The following SLC26A8 variants were observed in gnomAD, a reference collection of about 807,000 sequenced individuals.
SLC26A8 encodes the protein testis anion transporter 1.
In SLC26A8, 70 loss-of-function variants were observed where a neutral mutation model predicts 105.0. The observed-to-expected ratio is 0.67, with a 90% CI of 0.55 to 0.81. The LOEUF (loss-of-function observed/expected upper bound fraction) is 0.81. Among genes scored for constraint, SLC26A8 ranks in the 40% least tolerant of loss-of-function variants. The probability of loss-of-function intolerance (pLI) is 0.00; values close to 1 mark genes in which losing one functional copy is unlikely to be tolerated. For missense variants in SLC26A8, 998 were observed against 1,181.8 expected (o/e 0.84, Z 2.28); for synonymous variants, 415 against 438.3 (o/e 0.95, Z 0.66).
chr6:36,013,215 T>TG lies in SLC26A8; in HGVS notation c.189-844_189-843insC, dbSNP rs768240711. Among the ~76,000 whole-genome samples the TG allele has an allele frequency of 9.2e-4, 137 of 148,120 alleles. 1 individual carries two copies. Among genetic ancestry groups the TG allele is most frequent in the African/African-American group, 2.4e-3 (96 of 39,452 alleles). ...GTCCAGAGACTTTTTTTTTTTTTTT[T>TG]AGATGGAGTCTTGCTCTTTCGCCCA... On this transcript the variant is annotated intron_variant, in intron 2 of 19. Coordinates refer to ENST00000490799, the MANE Select transcript of SLC26A8 (RefSeq NM_052961.4).
At chr6:35,963,763 C>T (rs753104413) in intron 11 of SLC26A8, among the ~76,000 whole-genome samples, 1 of 152,178 alleles carries the variant, frequency 6.6e-6, no homozygotes, top group Non-Finnish European at 1.5e-5. Context: ...ATCTAGAAAC[C>T]ATTCTCAGAT....
rs1424948627 is a variant in SLC26A8, at chr6:35,981,773, C to T, written c.1025+348G>A. On this transcript the variant is annotated intron_variant, in intron 8 of 19. Coordinates refer to ENST00000490799, the MANE Select transcript of SLC26A8 (RefSeq NM_052961.4). The surrounding 1 kb of genome is among the most constrained non-coding windows in gnomAD (Gnocchi z 4.0). ...GCCACAGGAGAGAGGCTAGAAAAAC[C>T]GAGGCATCTCTTGTCCACCCCTTGA... Among the ~76,000 whole-genome samples, 7 of 152,114 alleles carry T rather than the reference C, an allele frequency of 4.6e-5. No individual in the cohort carries two copies. The highest frequency in any genetic ancestry group is 2.1e-4 in the South Asian group (1 of 4,822).
At chr6:35,960,703 G>T in intron 14 of SLC26A8, 140 bp downstream of exon 14, 1 of 789,924 alleles carries the variant, frequency 1.3e-6, no homozygotes, top group Non-Finnish European at 2.1e-6. Flanking sequence ...CTCTACCAGT[G>T]TACATCACAT....
intron 12 of SLC26A8, 99 bp downstream of exon 12, chr6:35,962,427 G>T (rs1772343584): frequency 6.2e-6 from 6 of 969,432 alleles, no homozygotes; most frequent in Non-Finnish European, 9.6e-6. Context: ...AGTTGTTTGT[G>T]TTCTTTAGGT....
intron 7 of SLC26A8, among the ~76,000 whole-genome samples, chr6:35,985,780 T>C (rs1773493758): frequency 6.8e-6 from 1 of 147,478 alleles, no homozygotes; most frequent in Non-Finnish European, 1.5e-5. Context: ...TGCAGCCTCC[T>C]AAGGTGCCAG....
chr6:36,015,029 T>G (rs1344850192), intron 2 of SLC26A8, among the ~76,000 whole-genome samples: 1 of 151,794 alleles, frequency 6.6e-6, no homozygotes, highest in Non-Finnish European at 1.5e-5. Context: ...CAGAGTTGAA[T>G]AGCTTACCTA....
At chr6:35,986,024 CTTTTTTTTTTTTTTTTT>C (rs34715373) in intron 7 of SLC26A8, among the ~76,000 whole-genome samples, 4 of 71,320 alleles carry the variant, frequency 5.6e-5, no homozygotes, top group Non-Finnish European at 1.1e-4. Context: ...ACATATACAT[CTTTTTTTTTTTTTTTTT>C]TTTTTTTTTT....
At chr6:36,008,541 C>T (rs561030319) in intron 3 of SLC26A8, among the ~76,000 whole-genome samples, 4 of 152,214 alleles carry the variant, frequency 2.6e-5, no homozygotes, top group Admixed American at 1.3e-4. Context: ...AAAAACGAGC[C>T]TATCAAAATC....
intron 3 of SLC26A8, among the ~76,000 whole-genome samples, chr6:36,002,598 A>G (rs1761554489): frequency 6.6e-6 from 1 of 152,116 alleles, no homozygotes; most frequent in African/African-American, 2.4e-5. Context: ...AATAATGTTG[A>G]GCACCCTTGT....
At position 35,959,457 on chromosome 6, in the gene SLC26A8, A is replaced by G; in HGVS notation, c.1863+3T>C. ...AACATAGGAAAGAAAAGGCATTTCT[A>G]ACCCTGGGCAGCGGCTCCAGATCAT... On this transcript the variant is annotated splice_donor_region_variant and intron_variant, in intron 16 of 19. Transcript: ENST00000490799. The G allele has an allele frequency of 6.2e-7, 1 of 1,603,206 alleles. No individual in the cohort carries two copies. Among genetic ancestry groups the G allele is most frequent in the South Asian group, 1.1e-5 (1 of 88,946 alleles).
At chr6:35,952,214 A>C (rs982715217) in intron 17 of SLC26A8, among the ~76,000 whole-genome samples, 1 of 152,180 alleles carries the variant, frequency 6.6e-6, no homozygotes, top group Admixed American at 6.5e-5. Flanking sequence ...TAGTGTTTGC[A>C]TGAGACCCCC....
chr6:35,993,046 C>T (rs530948420), intron 5 of SLC26A8, among the ~76,000 whole-genome samples: 16 of 152,024 alleles, frequency 1.1e-4, no homozygotes, highest in Non-Finnish European at 1.5e-4. Context: ...TTGCCCAGGC[C>T]GGAGTGCAGT....
rs371354506 is a variant in SLC26A8, at chr6:35,951,531, G to T, written c.2233-32C>A. 4 of 1,612,034 alleles carry T rather than the reference G, an allele frequency of 2.5e-6. No individual in the cohort carries two copies. The African/African-American group carries it at 4.0e-5, about 16-fold the overall frequency. On this transcript the variant is annotated intron_variant, in intron 17 of 19. Transcript: ENST00000490799. The stretch of plus-strand genomic sequence containing the variant: ...GGGGAGAGAAAACCAGTATCAGAAG[G>T]CTTTATACTTGCTAGGAAAGGCCTT...
At chr6:36,021,751 T>A (rs143835711) in intron 1 of SLC26A8, among the ~76,000 whole-genome samples, 1 of 152,132 alleles carries the variant, frequency 6.6e-6, no homozygotes, top group Non-Finnish European at 1.5e-5. Context: ...ACTTTACATA[T>A]GTTTACGTAT....
chr6:35,959,772 C>A lies in SLC26A8; in HGVS notation c.1673G>T (p.Cys558Phe). 6.2e-7 allele frequency: 1 copy of A among 1,608,856 alleles called. No individual in the cohort carries two copies. Among genetic ancestry groups the A allele is most frequent in the Non-Finnish European group, 8.5e-7 (1 of 1,178,892 alleles). ...ATTTACAAATGTAATTGAGCTGCAGCACTGGAAGATTTTCACCCCAGGAAT... is the reference window on the plus strand; with the variant it reads ...ATTTACAAATGTAATTGAGCTGCAGAACTGGAAGATTTTCACCCCAGGAAT... ...ITIPGVKIFQ[C>F]CSSITFVNVY... The change falls in exon 15 of 20, where the codon TGC (cysteine) becomes TTC (phenylalanine). Residue 558 changes from cysteine to phenylalanine, a missense_variant. By Grantham distance (205) the Cys-to-Phe change is radical (BLOSUM62 -2). Coordinates refer to ENST00000490799, the MANE Select transcript of SLC26A8 (RefSeq NM_052961.4).
In SLC26A8 at chr6:35,951,481, T is replaced by C. The variant is rs2127290914; in HGVS notation, c.2251A>G (p.Asn751Asp). ...GCAATGAGTATCAAAATGTTGGCGT[T>C]TTGAAAGGCATTGCATATCTGTGGG... ...VLRQICNAFQ[N>D]ANILILIAGC... The change falls in exon 18 of 20, where the codon AAC (asparagine) becomes GAC (aspartate). Residue 751 changes from asparagine (N) to aspartate (D), a missense_variant. Coordinates refer to ENST00000490799, the MANE Select transcript of SLC26A8 (RefSeq NM_052961.4). The C allele has an allele frequency of 1.2e-6, 2 of 1,614,130 alleles. No individual in the cohort carries two copies. The highest frequency in any genetic ancestry group is 1.1e-5 in the South Asian group (1 of 91,082).
chr6:35,952,289 A>T (rs765574266), intron 17 of SLC26A8, among the ~76,000 whole-genome samples: 11 of 152,178 alleles, frequency 7.2e-5, no homozygotes, highest in Admixed American at 3.9e-4. Context: ...CAAGTGATGC[A>T]GTAGGGAACG....
At chr6:36,018,282 A>G (rs552428271) in intron 2 of SLC26A8, among the ~76,000 whole-genome samples, 126 of 152,374 alleles carry the variant, frequency 8.3e-4, no homozygotes, top group Non-Finnish European at 1.6e-3. Flanking sequence ...TAACGAATGG[A>G]TAAACAAAAA....
intron 7 of SLC26A8, among the ~76,000 whole-genome samples, chr6:35,986,324 A>G (rs371350731): frequency 1.7e-4 from 26 of 152,264 alleles, no homozygotes; most frequent in Middle Eastern, 3.4e-3. Flanking sequence ...GTGAGCTACC[A>G]TGCCTACATA....
Sources: gnomAD v4.1 joint callset for allele counts (sites outside exome capture counted in the v4.1 genomes callset) on GRCh38, gnomAD v4.1.1 for gene constraint, Gnocchi (gnomAD v3.1) non-coding constraint, MANE v1.5 for transcripts, NCBI Gene and HGNC (gene_info 2026-07-23, HGNC 2026-07-21) for gene names.